The following DOCK7 variants were observed in gnomAD, a reference collection of about 807,000 sequenced individuals.
The protein encoded by DOCK7 is dedicator of cytokinesis 7.
In DOCK7, 138 loss-of-function variants were observed where a neutral mutation model predicts 271.0. The observed-to-expected ratio is 0.51, with a 90% CI of 0.44 to 0.59. The LOEUF (loss-of-function observed/expected upper bound fraction) is 0.59, where lower values mean the gene tolerates loss of function less well. Among genes scored for constraint, DOCK7 ranks in the 20% least tolerant of loss-of-function variants. DOCK7 has a pLI of 0.00. For missense variants in DOCK7, 2,066 were observed against 2,592.4 expected (o/e 0.80, Z 4.41); for synonymous variants, 823 against 876.1 (o/e 0.94, Z 1.07).
chr1:62,556,764 G>A (rs1646157313), intron 20 of DOCK7, among the ~76,000 whole-genome samples: 1 of 152,148 alleles, frequency 6.6e-6, no homozygotes, highest in Non-Finnish European at 1.5e-5. Flanking sequence ...AAGAGATAAT[G>A]AGGCCAATTA....
At chr1:62,586,118 C>A (rs1056075719) in intron 15 of DOCK7, among the ~76,000 whole-genome samples, 1 of 152,106 alleles carries the variant, frequency 6.6e-6, no homozygotes, top group African/African-American at 2.4e-5. Flanking sequence ...CCTTAGCTGG[C>A]CTTACATTCT....
chr1:62,650,751 T>C (rs976052772), intron 4 of DOCK7, among the ~76,000 whole-genome samples: 14 of 151,920 alleles, frequency 9.2e-5, no homozygotes, highest in African/African-American at 3.4e-4. Context: ...TGAGACACCA[T>C]CTCACACCAG....
At chr1:62,613,575 A>C (rs1358066584) in intron 14 of DOCK7, among the ~76,000 whole-genome samples, 1 of 152,202 alleles carries the variant, frequency 6.6e-6, no homozygotes, top group Non-Finnish European at 1.5e-5. Context: ...AAATTAAACT[A>C]ATATAGACCT....
intron 48 of DOCK7, among the ~76,000 whole-genome samples, chr1:62,469,445 A>G (rs1387779198): frequency 6.6e-6 from 1 of 152,240 alleles, no homozygotes; most frequent in African/African-American, 2.4e-5. Context: ...CTTACATCTA[A>G]TACCTGAAAC....
intron 1 of DOCK7, among the ~76,000 whole-genome samples, chr1:62,671,215 T>C (rs945715946): frequency 1.3e-5 from 2 of 152,206 alleles, no homozygotes; most frequent in African/African-American, 4.8e-5. Context: ...GGCTTCATTC[T>C]TGAAGTCAGT....
intron 14 of DOCK7, chr1:62,601,700 G>T: frequency 1.8e-6 from 2 of 1,117,176 alleles, no homozygotes; most frequent in East Asian, 2.4e-5. Flanking sequence ...AATGTCAAGT[G>T]AAATCTCAAG....
intron 18 of DOCK7, among the ~76,000 whole-genome samples, chr1:62,570,754 C>A (rs943590997): frequency 2.0e-5 from 3 of 152,032 alleles, no homozygotes; most frequent in Non-Finnish European, 4.4e-5. Flanking sequence ...TAAGACCAAA[C>A]ACCTACAACC....
Position 62,603,986 on chromosome 1 carries a change from C to T in DOCK7, c.1682+14720G>A. On this transcript the variant is annotated intron_variant, in intron 14 of 49. Coordinates refer to ENST00000635253, the MANE Select transcript of DOCK7 (RefSeq NM_001367561.1). ...CTTTTCAGGAGAATTTTGGTTGGGC[C>T]TAGAGAAGATATACTCCATAGTGAA... is the stretch of plus-strand genomic sequence containing the variant. 2.5e-6 allele frequency: 4 copies of T among 1,612,732 alleles called. No homozygotes were observed. In the South Asian group the frequency reaches 4.4e-5, roughly 18 times the overall value.
Position 62,597,851 on chromosome 1 carries a change from A to G in DOCK7, c.1683-11227T>C, listed in dbSNP as rs1396624369. The stretch of plus-strand genomic sequence containing the variant: ...TGCAAACCAGTGAAATCAAAGAAGA[A>G]GAAAAGGAACTGAGAAGAACTACAT... On this transcript the variant is annotated intron_variant, in intron 14 of 49. Transcript: ENST00000635253. 4 of 1,604,686 alleles carry G rather than the reference A, an allele frequency of 2.5e-6. No individual in the cohort carries two copies. The highest frequency in any genetic ancestry group is 1.3e-5 in the African/African-American group (1 of 74,466).
In DOCK7 at chr1:62,513,253, CGGGGG is replaced by C. The variant is rs61042514; in HGVS notation, c.4282+186_4282+190del. On this transcript the variant is annotated intron_variant, in intron 33 of 49. Coordinates refer to ENST00000635253, the MANE Select transcript of DOCK7 (RefSeq NM_001367561.1). ...TCTAGAGAAGACTTTCTAGAGAAAA[CGGGGG>C]GGGGGGGGCGGTATGCTGACTCACC... 8.5e-5 allele frequency among the ~76,000 whole-genome samples: 3 copies of C among 35,448 alleles called. 1 individual carries two copies. Among genetic ancestry groups the C allele is most frequent in the Non-Finnish European group, 1.8e-4 (3 of 17,104 alleles). The allele number at this position is 35,448 out of a possible 152,430, so 23.3% of individuals were successfully genotyped here.
At chr1:62,512,058 T>C (rs942338299) in intron 33 of DOCK7, among the ~76,000 whole-genome samples, 4 of 152,186 alleles carry the variant, frequency 2.6e-5, no homozygotes, top group Non-Finnish European at 4.4e-5. Flanking sequence ...GTAAATTGTA[T>C]ATAACTAAAG....
intron 21 of DOCK7, among the ~76,000 whole-genome samples, chr1:62,553,338 ATATATATATATATATATTTTTTTTTTT>A (rs1177506718): frequency 6.0e-4 from 3 of 5,040 alleles, no homozygotes; most frequent in African/African-American, 1.5e-3. Flanking sequence ...ATATATATAT[ATATATATATATATATATTTTTTTTTTT>A]TTTTTTTTTT....
chr1:62,517,452 G>A (rs1644697835), intron 31 of DOCK7, among the ~76,000 whole-genome samples: 1 of 152,024 alleles, frequency 6.6e-6, no homozygotes, highest in Non-Finnish European at 1.5e-5. Flanking sequence ...AAAATTAGCT[G>A]GGCGTGGTGG....
chr1:62,648,808 T>A (rs1247715394), intron 4 of DOCK7, among the ~76,000 whole-genome samples: 1 of 152,128 alleles, frequency 6.6e-6, no homozygotes, highest in African/African-American at 2.4e-5. Context: ...AGCTGTACTT[T>A]CAATTCAGAG....
intron 25 of DOCK7, among the ~76,000 whole-genome samples, chr1:62,540,242 C>T (rs1192694276): frequency 6.6e-6 from 1 of 151,552 alleles, no homozygotes; most frequent in East Asian, 1.9e-4. Flanking sequence ...GGCATGATCA[C>T]AGCTCACTGC....
intron 14 of DOCK7, chr1:62,598,747 G>A: frequency 6.2e-7 from 1 of 1,611,548 alleles, no homozygotes; most frequent in Non-Finnish European, 8.5e-7. Context: ...CCAGACCGTG[G>A]AAGACCAATA....
At chr1:62,548,298 C>T (rs571841297) in intron 22 of DOCK7, among the ~76,000 whole-genome samples, 69 of 151,722 alleles carry the variant, frequency 4.5e-4, no homozygotes, top group South Asian at 1.3e-3. Flanking sequence ...ATAAGATAAT[C>T]AGAGTCAACC....
chr1:62,455,808 G>T (rs1031631824), intron 49 of DOCK7, among the ~76,000 whole-genome samples: 26 of 152,116 alleles, frequency 1.7e-4, no homozygotes, highest in African/African-American at 6.3e-4. Flanking sequence ...TAAATTTTAA[G>T]TCTTAAACCA....
intron 14 of DOCK7, among the ~76,000 whole-genome samples, chr1:62,597,001 A>G (rs1455712826): frequency 6.6e-6 from 1 of 152,196 alleles, no homozygotes; most frequent in Non-Finnish European, 1.5e-5. Flanking sequence ...TGAGGAGCAT[A>G]TAATTATACA....
Sources: allele counts gnomAD v4.1 joint callset (sites outside exome capture counted in the v4.1 genomes callset), GRCh38; gene constraint gnomAD v4.1.1; transcripts MANE v1.5; gene names NCBI Gene and HGNC (gene_info 2026-07-23, HGNC 2026-07-21).